The following CCDC149 variants were observed in gnomAD, a reference collection of about 807,000 sequenced individuals.
CCDC149 encodes the protein coiled-coil domain containing 149, also known as coiled-coil domain-containing protein 149.
CCDC149 carries 45 observed loss-of-function variants against 59.9 expected under a neutral mutation model. The ratio of observed to expected loss-of-function variants is 0.75; its 90% confidence interval spans 0.59 to 0.96. The LOEUF is 0.96. CCDC149 is among the 40% of genes least tolerant of loss of function. The pLI is 0.00. For synonymous variants in CCDC149, 245 were observed against 260.6 expected (o/e 0.94, Z 0.58); for missense variants, 584 against 664.7 (o/e 0.88, Z 1.33).
At chr4:24,899,175 G>A (rs1036135373) in intron 1 of CCDC149, among the ~76,000 whole-genome samples, 2 of 152,202 alleles carry the variant, frequency 1.3e-5, no homozygotes, top group African/African-American at 4.8e-5. Flanking sequence ...AGTGGGAATG[G>A]TGACACGGAT....
chr4:24,823,484 CTTTAT>C (rs1450935536), intron 9 of CCDC149, among the ~76,000 whole-genome samples: 1 of 152,144 alleles, frequency 6.6e-6, no homozygotes, highest in Non-Finnish European at 1.5e-5. Context: ...AAAAACCAGT[CTTTAT>C]TTTATTTGGG....
At chr4:24,961,539 A>G (rs1226071090) in intron 1 of CCDC149, among the ~76,000 whole-genome samples, 2 of 152,218 alleles carry the variant, frequency 1.3e-5, no homozygotes, top group Non-Finnish European at 2.9e-5. Context: ...TGGAGGCATC[A>G]TGCTACCTGA....
At chr4:24,898,803 A>T (rs184882961) in intron 1 of CCDC149, among the ~76,000 whole-genome samples, 1 of 152,252 alleles carries the variant, frequency 6.6e-6, no homozygotes, top group East Asian at 1.9e-4. Context: ...GGAGTCTGTG[A>T]CATTTGAGCT....
chr4:24,842,999 C>T (rs1235963140), intron 4 of CCDC149, among the ~76,000 whole-genome samples: 1 of 151,040 alleles, frequency 6.6e-6, no homozygotes. Flanking sequence ...TGGTGGGCTA[C>T]ATGTGACTTG....
intron 3 of CCDC149, 98 bp from the exon 4 acceptor site, chr4:24,853,277 T>G: frequency 1.1e-6 from 1 of 871,962 alleles, no homozygotes; most frequent in Non-Finnish European, 1.9e-6. Context: ...CTAACCCCAG[T>G]TGAACCACAC....
intron 1 of CCDC149, among the ~76,000 whole-genome samples, chr4:24,904,707 T>C (rs1205785580): frequency 6.6e-6 from 1 of 152,216 alleles, no homozygotes; most frequent in Non-Finnish European, 1.5e-5. Context: ...CTGATGAGTT[T>C]TGTAACTTGT....
intron 3 of CCDC149, among the ~76,000 whole-genome samples, chr4:24,865,829 C>A (rs1718660947): frequency 6.6e-6 from 1 of 152,154 alleles, no homozygotes; most frequent in African/African-American, 2.4e-5. Context: ...CTTCCACCTT[C>A]CTTACAAAAT....
intron 1 of CCDC149, among the ~76,000 whole-genome samples, chr4:24,918,834 G>A (rs1308378393): frequency 6.6e-6 from 1 of 152,208 alleles, no homozygotes. Context: ...AAGTGGGAGT[G>A]ATCTGATCGC....
In CCDC149 at chr4:24,856,118, T is replaced by C. The variant is rs532268145; in HGVS notation, c.265-2939A>G. On this transcript the variant is annotated intron_variant, in intron 3 of 12. Transcript: ENST00000635206. ...ACTGTGCCCACTCCGTGGTTGCTACTCCAACGCTCAGTGAACAGAGCTGTG... is the reference window on the plus strand; with the variant it reads ...ACTGTGCCCACTCCGTGGTTGCTACCCCAACGCTCAGTGAACAGAGCTGTG... 2.0e-5 allele frequency among the ~76,000 whole-genome samples: 3 copies of C among 151,572 alleles called. No individual in the cohort carries two copies. In the South Asian group the frequency reaches 6.4e-4, roughly 32 times the overall value.
chr4:24,846,286 G>T (rs1717280791), intron 4 of CCDC149, among the ~76,000 whole-genome samples: 1 of 152,184 alleles, frequency 6.6e-6, no homozygotes, highest in African/African-American at 2.4e-5. Context: ...CAGGGAGGTG[G>T]GGTGCGGTGA....
chr4:24,941,641 G>T (rs1340331106), intron 1 of CCDC149, among the ~76,000 whole-genome samples: 1 of 152,048 alleles, frequency 6.6e-6, no homozygotes, highest in Non-Finnish European at 1.5e-5. Flanking sequence ...AAAATTGATA[G>T]GCCACTAGCA....
At chr4:24,895,040 G>A (rs558436527) in intron 1 of CCDC149, 71 of 1,532,486 alleles carry the variant, frequency 4.6e-5, no homozygotes, top group South Asian at 1.8e-4. Flanking sequence ...TGATGACGAC[G>A]ACGATGACGA....
chr4:24,831,534 C>A lies in CCDC149; in HGVS notation c.937G>T (p.Val313Phe), dbSNP rs1716148240. The change falls in exon 9 of 13, where the codon GTC becomes TTC. Residue 313 changes from valine to phenylalanine, a missense_variant. Val to Phe is a conservative substitution (Grantham distance 50). Coordinates refer to ENST00000635206, the MANE Select transcript of CCDC149 (RefSeq NM_001330643.2). ...TTGGTTTGCCTCTGGTGCTGAATGA[C>A]CATGTTTTTCTCGTGGATTGTTTCC... 1.2e-6 allele frequency: 2 copies of A among 1,614,032 alleles called. No homozygotes were observed. The highest frequency in any genetic ancestry group is 1.7e-4 in the Middle Eastern group (1 of 6,054).
intron 1 of CCDC149, among the ~76,000 whole-genome samples, chr4:24,925,836 C>A (rs1012013242): frequency 6.6e-6 from 1 of 152,186 alleles, no homozygotes; most frequent in Admixed American, 6.5e-5. Context: ...ATTTGGGACA[C>A]TTTCCTGGCT....
chr4:24,898,354 A>G (rs910243512), intron 1 of CCDC149, among the ~76,000 whole-genome samples: 1 of 152,032 alleles, frequency 6.6e-6, no homozygotes, highest in Non-Finnish European at 1.5e-5. Context: ...AAGTCAGGAG[A>G]TTTGCTCAAA....
At chr4:24,838,092 CTT>C (rs1222705251) in intron 5 of CCDC149, 62 bp downstream of exon 5, 3 of 1,281,320 alleles carry the variant, frequency 2.3e-6, no homozygotes, top group Non-Finnish European at 2.3e-6. Flanking sequence ...ACAGTCCACT[CTT>C]GTTTGTGTTG....
rs367770730 is a variant in CCDC149 at position 24,873,761 on chromosome 4, T to A, written c.226-42A>T. ...GCTGCATTTTACTCTTTTAGAAAAA[T>A]AGATGTACTTAGAAACAAGAAGTTG... On this transcript the variant is annotated intron_variant, in intron 2 of 12. Transcript: ENST00000635206. 4.1e-5 allele frequency: 60 copies of A among 1,463,388 alleles called. 2 individuals carry two copies. In the South Asian group the frequency reaches 6.3e-4, roughly 15 times the overall value. 90.7% of individuals were successfully genotyped at this position (1,463,388 alleles called of 1,614,324 possible).
Position 24,837,931 on chromosome 4 carries a change from G to T in CCDC149, c.489+225C>A, listed in dbSNP as rs897633287. 2.0e-5 allele frequency among the ~76,000 whole-genome samples: 3 copies of T among 152,202 alleles called. No homozygotes were observed. Among genetic ancestry groups the T allele is most frequent in the Admixed American group, 2.0e-4 (3 of 15,278 alleles). ...GGCTAGGAGGAACGTTTCTTGTTGT[G>T]TTCAGAACAATGGTACCCAATAGCA... On this transcript the variant is annotated intron_variant, in intron 5 of 12. Transcript: ENST00000635206. The surrounding 1 kb of genome is among the most constrained non-coding windows in gnomAD (Gnocchi z 4.3).
At chr4:24,956,569 A>G (rs1363323075) in intron 1 of CCDC149, among the ~76,000 whole-genome samples, 1 of 152,140 alleles carries the variant, frequency 6.6e-6, no homozygotes, top group Admixed American at 6.5e-5. Flanking sequence ...TATCGATGAT[A>G]TCATAGCAAT....
Sources: gnomAD v4.1 joint callset for allele counts (sites outside exome capture counted in the v4.1 genomes callset) on GRCh38, gnomAD v4.1.1 for gene constraint, Gnocchi (gnomAD v3.1) non-coding constraint, MANE v1.5 for transcripts, NCBI Gene and HGNC (gene_info 2026-07-23, HGNC 2026-07-21) for gene names.